CTTNBP2NL: variants seen among roughly 807,000 people sequenced by gnomAD.
CTTNBP2NL encodes the protein CTTNBP2 N-terminal-like protein.
A neutral mutation model predicts 32.5 loss-of-function variants in CTTNBP2NL; 16 were observed. That is an observed-to-expected ratio of 0.49 (90% CI 0.33 to 0.75). The LOEUF is 0.75. Ranked by LOEUF, CTTNBP2NL falls within the 30% of genes least tolerant of loss-of-function variation. CTTNBP2NL has a pLI of 0.02. For synonymous variants in CTTNBP2NL, 298 were observed against 289.4 expected, an observed-to-expected ratio of 1.03 and a Z score of -0.30; for missense variants, 645 against 756.0, an observed-to-expected ratio of 0.85 and a Z score of 1.72.
At chr1:112,433,796 C>T (rs571060573) in intron 3 of CTTNBP2NL, among the ~76,000 whole-genome samples, 2 of 152,126 alleles carry the variant, frequency 1.3e-5, no homozygotes, top group Non-Finnish European at 2.9e-5. Flanking sequence ...TTTATAATTA[C>T]TATGCCTTTG....
At chr1:112,394,867 A>G (rs1271068745), upstream of CTTNBP2NL, among the ~76,000 whole-genome samples, 1 of 152,190 alleles carries the variant, frequency 6.6e-6, no homozygotes, top group African/African-American at 2.4e-5. Context: ...CTGAATCTCT[A>G]TCTTCTCATC....
At chr1:112,430,391 A>G (rs2101015359) in intron 3 of CTTNBP2NL, among the ~76,000 whole-genome samples, 1 of 151,064 alleles carries the variant, frequency 6.6e-6, no homozygotes, top group Middle Eastern at 3.4e-3. Context: ...ACACCCACCT[A>G]TCTAATTTGT....
intron 1 of CTTNBP2NL, chr1:112,396,716 G>A (rs1290144130): frequency 6.6e-6 from 1 of 152,232 alleles, no homozygotes; most frequent in Non-Finnish European, 1.5e-5. Flanking sequence ...TAAAATTGGT[G>A]TTTCCCAAAA....
At chr1:112,400,373 C>T (rs1177615070) in intron 1 of CTTNBP2NL, among the ~76,000 whole-genome samples, 1 of 152,110 alleles carries the variant, frequency 6.6e-6, no homozygotes, top group Non-Finnish European at 1.5e-5. Flanking sequence ...AAGGATTACA[C>T]GAATAGGCCA....
intron 3 of CTTNBP2NL, among the ~76,000 whole-genome samples, chr1:112,421,616 CAA>C (rs34720155): frequency 0.02 from 1,405 of 70,910 alleles, 32 homozygotes; most frequent in African/African-American, 0.049. Context: ...CCCATTTCTA[CAA>C]AAAAAAAAAA....
intron 3 of CTTNBP2NL, among the ~76,000 whole-genome samples, chr1:112,420,725 C>G (rs1649203754): frequency 6.6e-6 from 1 of 152,160 alleles, no homozygotes; most frequent in African/African-American, 2.4e-5. Context: ...TCCCAGCCTC[C>G]CAAAGTGCTG....
At chr1:112,408,444 T>C (rs1648750589) in intron 1 of CTTNBP2NL, among the ~76,000 whole-genome samples, 1 of 152,130 alleles carries the variant, frequency 6.6e-6, no homozygotes, top group Non-Finnish European at 1.5e-5. Context: ...GTTGTCACTC[T>C]TTTATCCCAA....
intron 3 of CTTNBP2NL, among the ~76,000 whole-genome samples, chr1:112,422,358 G>A (rs1649257499): frequency 6.6e-6 from 1 of 152,130 alleles, no homozygotes; most frequent in Non-Finnish European, 1.5e-5. Flanking sequence ...GGCATTATAT[G>A]TATATACCAC....
intron 2 of CTTNBP2NL, chr1:112,414,901 T>C (rs938872252): frequency 1.3e-5 from 2 of 152,140 alleles, no homozygotes; most frequent in Non-Finnish European, 2.9e-5. Flanking sequence ...TTAAGATGTT[T>C]AAACAGGCCT....
chr1:112,406,376 T>C (rs1648666285), intron 1 of CTTNBP2NL, among the ~76,000 whole-genome samples: 1 of 152,166 alleles, frequency 6.6e-6, no homozygotes, highest in Non-Finnish European at 1.5e-5. Flanking sequence ...AATGAGAGGA[T>C]CAGATGTAAG....
At chr1:112,397,451 C>G (rs1244623024) in intron 1 of CTTNBP2NL, among the ~76,000 whole-genome samples, 1 of 152,092 alleles carries the variant, frequency 6.6e-6, no homozygotes, top group Non-Finnish European at 1.5e-5. Flanking sequence ...AGGAAACATT[C>G]ATGTATATTT....
At chr1:112,433,125 A>T (rs1303465435) in intron 3 of CTTNBP2NL, among the ~76,000 whole-genome samples, 1 of 152,116 alleles carries the variant, frequency 6.6e-6, no homozygotes, top group Non-Finnish European at 1.5e-5. Context: ...TGTAGCTCCC[A>T]TCACATACTG....
chr1:112,419,502 T>TGCAG (rs1649161354), intron 3 of CTTNBP2NL, among the ~76,000 whole-genome samples: 1 of 152,112 alleles, frequency 6.6e-6, no homozygotes, highest in Non-Finnish European at 1.5e-5. Flanking sequence ...TGGTTAGTAC[T>TGCAG]CTGTGTTGTG....
At chr1:112,434,806 G>C (rs1047197261) in intron 3 of CTTNBP2NL, among the ~76,000 whole-genome samples, 4 of 152,048 alleles carry the variant, frequency 2.6e-5, no homozygotes, top group African/African-American at 9.7e-5. Context: ...TTGGAATACT[G>C]TTTTCCTTTC....
chr1:112,403,061 G>A (rs534263220), intron 1 of CTTNBP2NL, among the ~76,000 whole-genome samples: 13 of 152,136 alleles, frequency 8.5e-5, no homozygotes, highest in South Asian at 4.2e-4. Flanking sequence ...ATGAAAATCC[G>A]TCATTTACTG....
At position 112,437,765 on chromosome 1, in the gene CTTNBP2NL, C is replaced by T. The variant is rs562210144; in HGVS notation, c.100-11177C>T. Among the ~76,000 whole-genome samples the T allele has an allele frequency of 1.5e-4, 23 of 152,238 alleles. No individual in the cohort carries two copies. In the South Asian group the frequency reaches 2.3e-3, roughly 15 times the overall value. On this transcript the variant is annotated intron_variant, in intron 3 of 5. Coordinates refer to ENST00000271277, the MANE Select transcript of CTTNBP2NL (RefSeq NM_018704.3). ...GTCTCGATCTCCTGAGCTTGTGATC[C>T]GCCTGCCTCAGCCTCCCAAAGTCCT...
chr1:112,403,266 C>T (rs988787920), intron 1 of CTTNBP2NL, among the ~76,000 whole-genome samples: 6 of 152,134 alleles, frequency 3.9e-5, no homozygotes, highest in Non-Finnish European at 5.9e-5. Flanking sequence ...ATTAACTTTC[C>T]TAAAACTATG....
At chr1:112,444,152 T>G (rs1431331027) in intron 3 of CTTNBP2NL, among the ~76,000 whole-genome samples, 1 of 152,244 alleles carries the variant, frequency 6.6e-6, no homozygotes, top group African/African-American at 2.4e-5. Flanking sequence ...GGTACCAGCC[T>G]GAGTCTTGAA....
At chr1:112,452,376 C>T (rs2101032836) in intron 4 of CTTNBP2NL, among the ~76,000 whole-genome samples, 1 of 120,808 alleles carries the variant, frequency 8.3e-6, no homozygotes, top group African/African-American at 3.4e-5. Flanking sequence ...CAGAGTTTCA[C>T]TCTTGTTGCT....
Sources: gnomAD v4.1 joint callset for allele counts (sites outside exome capture counted in the v4.1 genomes callset) on GRCh38, gnomAD v4.1.1 for gene constraint, MANE v1.5 for transcripts, NCBI Gene and HGNC (gene_info 2026-07-23, HGNC 2026-07-21) for gene names.